The following C4orf51 variants were observed in gnomAD, a reference collection of about 807,000 sequenced individuals.
C4orf51 encodes the protein chromosome 4 open reading frame 51.
C4orf51 carries 25 observed loss-of-function variants against 25.2 expected under a neutral mutation model. The ratio of observed to expected loss-of-function variants is 0.99; its 90% CI spans 0.72 to 1.39. The LOEUF is 1.39. C4orf51 is among the 40% of genes most tolerant of loss of function. The probability of loss-of-function intolerance (pLI) is 0.00; values close to 1 mark genes in which losing one functional copy is unlikely to be tolerated. For synonymous variants in C4orf51, 100 were observed against 84.5 expected, an observed-to-expected ratio of 1.18 and a Z score of -1.01; for missense variants, 252 against 239.6, an observed-to-expected ratio of 1.05 and a Z score of -0.34.
chr4:145,692,953 GTTTTTTTTTTTTT>G (rs202227019), intron 1 of C4orf51, among the ~76,000 whole-genome samples: 35 of 100,994 alleles, frequency 3.5e-4, no homozygotes, highest in African/African-American at 3.9e-4. Context: ...TAAGTTTTTA[GTTTTTTTTTTTTT>G]TTTTTTTTTT....
intron 2 of C4orf51, among the ~76,000 whole-genome samples, chr4:145,701,384 A>G (rs1730431875): frequency 6.6e-6 from 1 of 152,046 alleles, no homozygotes; most frequent in African/African-American, 2.4e-5. Context: ...AGTGCCAGAA[A>G]TCTGACCACC....
At chr4:145,733,509 G>A (rs1231140925), downstream of C4orf51, among the ~76,000 whole-genome samples, 2 of 152,180 alleles carry the variant, frequency 1.3e-5, no homozygotes, top group Admixed American at 6.5e-5. Context: ...TAAAGTAGCC[G>A]CCTCCTACCA....
intron 1 of C4orf51, chr4:145,760,700 G>C (rs1486453706): frequency 9.9e-7 from 1 of 1,010,982 alleles, no homozygotes; most frequent in African/African-American, 1.7e-5. Context: ...CACCTGCTGG[G>C]GTTGTGTTTA....
intron 1 of C4orf51, among the ~76,000 whole-genome samples, chr4:145,752,556 C>A (rs1228935576): frequency 1.3e-5 from 2 of 152,200 alleles, no homozygotes; most frequent in East Asian, 3.9e-4. Context: ...TCCCTTTTCT[C>A]TGCTCAAATG....
downstream of C4orf51, among the ~76,000 whole-genome samples, chr4:145,755,688 C>T (rs1274237029): frequency 1.3e-5 from 2 of 152,226 alleles, no homozygotes; most frequent in African/African-American, 4.8e-5. Context: ...AGTCACCCCA[C>T]TTCACTTACC....
chr4:145,775,133 T>C (rs1736858391), downstream of C4orf51, among the ~76,000 whole-genome samples: 1 of 152,110 alleles, frequency 6.6e-6, no homozygotes, highest in Admixed American at 6.5e-5. Flanking sequence ...GTTTGTTGTA[T>C]GGCACTCCAA....
At position 145,701,665 on chromosome 4, in the gene C4orf51, C is replaced by T. The variant is rs552308427; in HGVS notation, c.307+5033C>T. On this transcript the variant is annotated intron_variant, in intron 2 of 5. Transcript: ENST00000438731. Reference sequence around the variant, plus strand: ...AAGTCCGTCCCCTTCTTAATCAATACGGAGGCTACCCACTCCACATTACCT... The same window carrying T: ...AAGTCCGTCCCCTTCTTAATCAATATGGAGGCTACCCACTCCACATTACCT... Among the ~76,000 whole-genome samples the T allele has an allele frequency of 1.6e-4, 25 of 151,746 alleles. 1 individual carries two copies. In the South Asian group the frequency reaches 3.1e-3, roughly 19 times the overall value.
chr4:145,714,963 CTCT>C (rs1157726823), intron 2 of C4orf51, among the ~76,000 whole-genome samples: 2 of 152,320 alleles, frequency 1.3e-5, no homozygotes, highest in African/African-American at 4.8e-5. Flanking sequence ...TGCCGAGAGG[CTCT>C]TGTTTGTCTT....
intron 1 of C4orf51, among the ~76,000 whole-genome samples, chr4:145,696,213 G>A (rs568685886): frequency 6.6e-6 from 1 of 152,260 alleles, no homozygotes; most frequent in East Asian, 1.9e-4. Flanking sequence ...AGTGAGCCAA[G>A]ATCACACCAC....
At chr4:145,787,246 C>G in the C4orf51 span, among the ~76,000 whole-genome samples, 10 of 152,120 alleles carry the variant, frequency 6.6e-5, no homozygotes, top group Admixed American at 1.3e-4. Context: ...GTGTGGATCA[C>G]AAGGTCAGGA....
chr4:145,733,481 G>C (rs1451230784), downstream of C4orf51, among the ~76,000 whole-genome samples: 1 of 152,256 alleles, frequency 6.6e-6, no homozygotes, highest in Non-Finnish European at 1.5e-5. Context: ...AGGAAAAGCA[G>C]AACGGTGTTT....
chr4:145,774,810 G>T, downstream of C4orf51: 1 of 1,024,796 alleles, frequency 9.8e-7, no homozygotes, highest in Non-Finnish European at 1.4e-6. Flanking sequence ...AAAAGGTTTT[G>T]CATTAGAAAA....
intron 1 of C4orf51, among the ~76,000 whole-genome samples, chr4:145,753,315 C>T (rs1366883626): frequency 1.3e-5 from 2 of 151,774 alleles, no homozygotes; most frequent in Non-Finnish European, 2.9e-5. Context: ...GATGACCTTC[C>T]TTCTGGGTGG....
At chr4:145,780,122 C>T in the C4orf51 span, among the ~76,000 whole-genome samples, 1 of 152,236 alleles carries the variant, frequency 6.6e-6, no homozygotes, top group East Asian at 1.9e-4. Context: ...AGCTGGGAGG[C>T]GGAGGTTGCA....
At chr4:145,756,843 C>A (rs1294777266), downstream of C4orf51, among the ~76,000 whole-genome samples, 3 of 152,194 alleles carry the variant, frequency 2.0e-5, no homozygotes, top group African/African-American at 7.2e-5. Flanking sequence ...TTCAAAGTGG[C>A]TTCTCCTACA....
downstream of C4orf51, among the ~76,000 whole-genome samples, chr4:145,736,646 G>A (rs990650725): frequency 2.0e-5 from 3 of 152,148 alleles, no homozygotes; most frequent in African/African-American, 7.2e-5. Flanking sequence ...CTCTCCAATC[G>A]GCTTGGCCAT....
chr4:145,789,518 T>C, the C4orf51 span, among the ~76,000 whole-genome samples: 2 of 152,342 alleles, frequency 1.3e-5, no homozygotes, highest in Admixed American at 1.3e-4. Context: ...AGCAGCACTA[T>C]GTATTAGACA....
intron 1 of C4orf51, among the ~76,000 whole-genome samples, chr4:145,687,380 C>A (rs1440615358): frequency 1.3e-5 from 2 of 152,174 alleles, no homozygotes; most frequent in African/African-American, 4.8e-5. Context: ...TGTGCCCTGA[C>A]CACCTTGGGC....
chr4:145,727,713 TA>T (rs112366551), intron 3 of C4orf51, among the ~76,000 whole-genome samples: 229 of 138,104 alleles, frequency 1.7e-3, no homozygotes, highest in Non-Finnish European at 1.4e-3. Context: ...CCATCTCTAC[TA>T]AAAAAAAAAA....
Sources: allele counts gnomAD v4.1 joint callset (sites outside exome capture counted in the v4.1 genomes callset), GRCh38; gene constraint gnomAD v4.1.1; transcripts MANE v1.5; gene names NCBI Gene and HGNC (gene_info 2026-07-23, HGNC 2026-07-21).